Variants in DOCK7 observed in about 807,000 individuals in gnomAD.
DOCK7 encodes dedicator of cytokinesis protein 7.
DOCK7 carries 138 observed loss-of-function variants against 271.0 expected under a neutral mutation model. The observed-to-expected ratio is 0.51, with a 90% CI of 0.44 to 0.59. DOCK7 has a LOEUF of 0.59. Ranked by LOEUF, DOCK7 falls within the 20% of genes least tolerant of loss-of-function variation. The pLI, the probability that DOCK7 is intolerant of heterozygous loss-of-function variation, is 0.00. For synonymous variants in DOCK7, 823 were observed against 876.1 expected (o/e 0.94, Z 1.07); for missense variants, 2,066 against 2,592.4 (o/e 0.80, Z 4.41).
chr1:62,598,771 CA>C (rs1317284618), intron 14 of DOCK7: 17 of 1,607,928 alleles, frequency 1.1e-5, no homozygotes, highest in Non-Finnish European at 1.4e-5. Flanking sequence ...ACAATTAAAC[CA>C]ACAGCATAGT....
chr1:62,604,522 T>C (rs1650658688), intron 14 of DOCK7: 1 of 1,163,564 alleles, frequency 8.6e-7, no homozygotes, highest in African/African-American at 1.5e-5. Flanking sequence ...GATACATGCA[T>C]CTAAAACACT....
At chr1:62,583,392 T>C (rs1421359868) in intron 15 of DOCK7, 138 bp from the exon 16 acceptor site, 1 of 646,372 alleles carries the variant, frequency 1.5e-6, no homozygotes. Flanking sequence ...ATGTGCCTAC[T>C]GACGTTCATC....
At chr1:62,627,326 G>A (rs1654073872) in intron 11 of DOCK7, among the ~76,000 whole-genome samples, 1 of 152,068 alleles carries the variant, frequency 6.6e-6, no homozygotes, top group South Asian at 2.1e-4. Flanking sequence ...TCAAGAATAA[G>A]ACAAGGATAT....
chr1:62,551,899 A>T (rs1342070128), intron 22 of DOCK7, among the ~76,000 whole-genome samples: 1 of 151,716 alleles, frequency 6.6e-6, no homozygotes, highest in East Asian at 1.9e-4. Flanking sequence ...CTTTGTTCTA[A>T]ATCTTGAGTT....
chr1:62,505,937 T>TA (rs1351386597), intron 35 of DOCK7, 121 bp from the exon 36 acceptor site: 5 of 931,952 alleles, frequency 5.4e-6, no homozygotes, highest in East Asian at 2.8e-5. Flanking sequence ...TTTTAAAAGA[T>TA]AAAAAAATGA....
intron 48 of DOCK7, among the ~76,000 whole-genome samples, chr1:62,462,958 C>T (rs1645575095): frequency 7.8e-6 from 1 of 128,650 alleles, no homozygotes; most frequent in Admixed American, 8.7e-5. Flanking sequence ...TTTGTTTAAC[C>T]TATATTGATA....
chr1:62,640,944 A>AGAATTGTGC (rs1376766117), intron 7 of DOCK7, among the ~76,000 whole-genome samples: 29 of 152,312 alleles, frequency 1.9e-4, no homozygotes, highest in Non-Finnish European at 3.5e-4. Context: ...GAGTGGCTTA[A>AGAATTGTGC]AGTAACCTTA....
intron 4 of DOCK7, 56 bp downstream of exon 4, chr1:62,653,669 T>C (rs1479390531): frequency 2.6e-6 from 3 of 1,135,396 alleles, no homozygotes; most frequent in Non-Finnish European, 4.0e-6. Context: ...TCTGCCTTAA[T>C]CCATTTAGAA....
At chr1:62,580,764 T>C (rs1226267010) in intron 16 of DOCK7, among the ~76,000 whole-genome samples, 1 of 152,082 alleles carries the variant, frequency 6.6e-6, no homozygotes, top group Non-Finnish European at 1.5e-5. Flanking sequence ...AAAACAGGGG[T>C]TGGCAAACTA....
At chr1:62,527,418 T>C (rs1162134428) in intron 31 of DOCK7, among the ~76,000 whole-genome samples, 1 of 152,124 alleles carries the variant, frequency 6.6e-6, no homozygotes, top group Non-Finnish European at 1.5e-5. Flanking sequence ...TGCACACGTA[T>C]GTTTATTGTG....
chr1:62,457,726 T>C lies in DOCK7; in HGVS notation c.6213-21A>G, dbSNP rs771020740. On this transcript the variant is annotated intron_variant, in intron 48 of 49. Transcript: ENST00000635253. ...CACACCTAGGAAAAACAGGATGTTA[T>C]CAAGATATTACTTCTGGCATAGTTT... is the stretch of plus-strand genomic sequence containing the variant. The C allele has an allele frequency of 2.4e-5, 39 of 1,608,630 alleles. 1 individual carries two copies. The Admixed American group carries it at 4.8e-4, about 20-fold the overall frequency.
intron 48 of DOCK7, among the ~76,000 whole-genome samples, chr1:62,464,875 C>T (rs904584275): frequency 4.0e-5 from 6 of 151,648 alleles, no homozygotes; most frequent in East Asian, 1.9e-4. Flanking sequence ...TGGAGATTTG[C>T]GAAAAGACTT....
At position 62,538,061 on chromosome 1, in the gene DOCK7, C is replaced by T; in HGVS notation, c.3301G>A (p.Val1101Met). 1 of 1,612,028 alleles carries T rather than the reference C, an allele frequency of 6.2e-7. No individual in the cohort carries two copies. Among genetic ancestry groups the T allele is most frequent in the Non-Finnish European group, 8.5e-7 (1 of 1,178,894 alleles). The change falls in exon 28 of 50, where the codon GTG (valine) becomes ATG (methionine). Residue 1101 changes from valine (V) to methionine (M), a missense_variant and splice_region_variant. By Grantham distance (21) the Val-to-Met change is conservative. Around this residue, in one of 2 missense-constraint regions of DOCK7, gnomAD observed 1,414 missense variants for 1,670.4 expected, o/e 0.85. Transcript: ENST00000635253. ...GGTAATGAGTAAAGCTTTGAAGACA[C>T]CTTGTAAGCAATGCATAAGTAAGAG... Reference protein sequence around the residue: ...FSLIKSCYKQVSSKLYSLPNP... With the variant: ...FSLIKSCYKQMSSKLYSLPNP...
chr1:62,483,198 TTTTTTTTTTTTTTG>T, intron 43 of DOCK7: 1 of 115,436 alleles, frequency 8.7e-6, no homozygotes, highest in African/African-American at 3.5e-5. Flanking sequence ...TTTTTTTTTT[TTTTTTTTTTTTTTG>T]GGTAGAGATG....
intron 14 of DOCK7, among the ~76,000 whole-genome samples, chr1:62,592,329 ATAAAT>A (rs1309494644): frequency 3.9e-5 from 6 of 152,188 alleles, no homozygotes; most frequent in African/African-American, 1.4e-4. Context: ...TCTCATCAAA[ATAAAT>A]TATAGATCAA....
intron 13 of DOCK7, among the ~76,000 whole-genome samples, chr1:62,619,502 AAAGT>A (rs1652871186): frequency 6.6e-6 from 1 of 152,238 alleles, no homozygotes; most frequent in South Asian, 2.1e-4. Flanking sequence ...TAAATTAGGC[AAAGT>A]AAGAGATTAA....
intron 4 of DOCK7, among the ~76,000 whole-genome samples, chr1:62,650,196 G>A (rs2149683960): frequency 6.6e-6 from 1 of 152,100 alleles, no homozygotes; most frequent in Non-Finnish European, 1.5e-5. Context: ...ATCATATTTA[G>A]TCTATATTTA....
intron 31 of DOCK7, among the ~76,000 whole-genome samples, chr1:62,519,006 TACACACACACAC>T (rs61224578): frequency 6.8e-6 from 1 of 148,130 alleles, no homozygotes; most frequent in Non-Finnish European, 1.5e-5. Flanking sequence ...AGTCATGCTA[TACACACACACAC>T]ACACACACAC....
At chr1:62,488,745 C>T in intron 42 of DOCK7, 189 bp downstream of exon 42, 1 of 721,690 alleles carries the variant, frequency 1.4e-6, no homozygotes, top group South Asian at 1.5e-5. Flanking sequence ...TCACCATTTA[C>T]TTTAGGTGAA....
Sources: allele counts gnomAD v4.1 joint callset (sites outside exome capture counted in the v4.1 genomes callset), GRCh38; gene constraint gnomAD v4.1.1; regional missense constraint gnomAD v4.1.1; transcripts MANE v1.5; gene names NCBI Gene and HGNC (gene_info 2026-07-23, HGNC 2026-07-21).